The following FAM47E variants were observed in gnomAD, a reference collection of about 807,000 sequenced individuals.
FAM47E encodes protein FAM47E.
A neutral mutation model predicts 41.6 loss-of-function variants in FAM47E; 32 were observed. That is an observed-to-expected ratio of 0.77 (90% CI 0.58 to 1.03). The LOEUF (loss-of-function observed/expected upper bound fraction) is 1.03, where lower values mean the gene tolerates loss of function less well. Among genes scored for constraint, FAM47E ranks in the 50% least tolerant of loss-of-function variants. FAM47E has a pLI of 0.00. For synonymous variants in FAM47E, 184 were observed against 188.7 expected, an observed-to-expected ratio of 0.98 and a Z score of 0.20; for missense variants, 424 against 485.4, an observed-to-expected ratio of 0.87 and a Z score of 1.19.
intron 1 of FAM47E, among the ~76,000 whole-genome samples, chr4:76,255,087 A>T (rs1002526443): frequency 5.3e-5 from 8 of 152,146 alleles, no homozygotes; most frequent in African/African-American, 1.9e-4. Flanking sequence ...CTTTTCACAG[A>T]TCTTGAAAAA....
chr4:76,278,478 A>G, intron 6 of FAM47E: 1 of 422,650 alleles, frequency 2.4e-6, no homozygotes, highest in Non-Finnish European at 4.1e-6. Flanking sequence ...CTATTCCACC[A>G]TTCTTGGAAC....
chr4:76,227,957 C>A (rs960382509), intron 2 of FAM47E, among the ~76,000 whole-genome samples: 3 of 152,120 alleles, frequency 2.0e-5, no homozygotes, highest in African/African-American at 7.2e-5. Flanking sequence ...ACAGCAGATA[C>A]CTGGTTACTT....
intron 2 of FAM47E, among the ~76,000 whole-genome samples, chr4:76,228,148 G>T (rs567528992): frequency 1.3e-5 from 2 of 151,802 alleles, no homozygotes; most frequent in Non-Finnish European, 2.9e-5. Flanking sequence ...CTCTAAGGAG[G>T]TTCTATTTTT....
chr4:76,230,866 G>A (rs757269864), intron 2 of FAM47E, among the ~76,000 whole-genome samples: 2 of 152,126 alleles, frequency 1.3e-5, no homozygotes, highest in Admixed American at 6.5e-5. Context: ...GGACACTAAC[G>A]TGGCCTTTAT....
At chr4:76,241,760 T>C (rs150491857) in intron 2 of FAM47E, among the ~76,000 whole-genome samples, 131 of 152,338 alleles carry the variant, frequency 8.6e-4, no homozygotes, top group African/African-American at 3.0e-3. Context: ...GAATCCTCTC[T>C]CTAGTTTTAA....
At chr4:76,234,942 C>T (rs892993734) in intron 2 of FAM47E, among the ~76,000 whole-genome samples, 7 of 152,022 alleles carry the variant, frequency 4.6e-5, no homozygotes, top group African/African-American at 1.7e-4. Context: ...TTTTCTTTGC[C>T]TGATTTAAAT....
intron 1 of FAM47E, among the ~76,000 whole-genome samples, chr4:76,216,393 C>T (rs1733208392): frequency 6.6e-6 from 1 of 152,198 alleles, no homozygotes; most frequent in Non-Finnish European, 1.5e-5. Context: ...CTTCCACCCC[C>T]TACTCTCTGA....
chr4:76,251,606 A>G, upstream of FAM47E: 1 of 1,343,398 alleles, frequency 7.4e-7, no homozygotes, highest in Non-Finnish European at 9.5e-7. Flanking sequence ...AAGGGGTTGG[A>G]CCGCGCAGCG....
At chr4:76,215,868 T>C (rs1217115473) in intron 1 of FAM47E, among the ~76,000 whole-genome samples, 1 of 152,206 alleles carries the variant, frequency 6.6e-6, no homozygotes, top group Admixed American at 6.5e-5. Flanking sequence ...TGGTCCCTGC[T>C]GAGCCCTGCT....
At chr4:76,251,695 A>G (rs1002712259), upstream of FAM47E, 11 of 1,410,972 alleles carry the variant, frequency 7.8e-6, no homozygotes, top group East Asian at 3.0e-5. Context: ...GGGCGGCAGC[A>G]GGGCACACAC....
At position 76,263,842 on chromosome 4, in the gene FAM47E, C is replaced by G; in HGVS notation, c.559C>G (p.Pro187Ala). ...KKHSTQVYLGPSKKTSVSNAG... is the reference protein window; with the variant it reads ...KKHSTQVYLGASKKTSVSNAG... ...ACATTCTACCCAAGTCTACCTGGGA[C>G]CGTGAGTATTGTTCTTAACCCTTCG... The change falls in exon 3 of 8, where the codon CCT becomes GCT. Residue 187 changes from proline to alanine, a missense_variant and splice_region_variant. Transcript: ENST00000424749. The G allele has an allele frequency of 6.4e-7, 1 of 1,551,138 alleles. No homozygotes were observed. Among genetic ancestry groups the G allele is most frequent in the Non-Finnish European group, 8.7e-7 (1 of 1,146,626 alleles).
At chr4:76,225,002 C>A (rs1436991056) in intron 2 of FAM47E, among the ~76,000 whole-genome samples, 1 of 151,976 alleles carries the variant, frequency 6.6e-6, no homozygotes, top group African/African-American at 2.4e-5. Context: ...TATATGCATC[C>A]TCATAGCTTA....
intron 2 of FAM47E, among the ~76,000 whole-genome samples, chr4:76,230,051 G>A (rs1435447760): frequency 2.0e-5 from 3 of 152,182 alleles, no homozygotes; most frequent in African/African-American, 7.2e-5. Context: ...GCCAGGATAT[G>A]TATTTGGGTT....
At chr4:76,269,779 T>A (rs1876541) in intron 4 of FAM47E, among the ~76,000 whole-genome samples, 8 of 142,340 alleles carry the variant, frequency 5.6e-5, no homozygotes, top group Non-Finnish European at 1.1e-4. Context: ...CAAAGCAAGA[T>A]CCTGTCTCAA....
chr4:76,263,219 A>G (rs761681842), intron 2 of FAM47E, among the ~76,000 whole-genome samples: 2 of 152,212 alleles, frequency 1.3e-5, no homozygotes, highest in Non-Finnish European at 2.9e-5. Context: ...CTTCATGAAT[A>G]TGGTTTCCCT....
chr4:76,218,824 T>C (rs1421658697), intron 2 of FAM47E, among the ~76,000 whole-genome samples: 4 of 152,146 alleles, frequency 2.6e-5, no homozygotes, highest in Non-Finnish European at 1.5e-5. Context: ...GAGAAAAATA[T>C]AGTGGGCAAA....
At chr4:76,282,982 A>C (rs1342154313) in intron 7 of FAM47E, 7 of 160,116 alleles carry the variant, frequency 4.4e-5, no homozygotes, top group African/African-American at 1.7e-4. Context: ...GTACATTCAC[A>C]TATGTTATGT....
upstream of FAM47E, among the ~76,000 whole-genome samples, chr4:76,248,970 G>A (rs536256658): frequency 7.2e-5 from 11 of 152,240 alleles, no homozygotes; most frequent in East Asian, 1.9e-3. Flanking sequence ...ATATAAAATA[G>A]TATTTTCAAA....
Position 76,278,191 on chromosome 4 carries a change from AGAG to A in FAM47E, c.997_999del (p.Glu333del), listed in dbSNP as rs1560753643. 1.3e-6 allele frequency: 2 copies of A among 1,543,586 alleles called. No individual in the cohort carries two copies. The highest frequency in any genetic ancestry group is 8.7e-7 in the Non-Finnish European group (1 of 1,145,144). On this transcript the variant is annotated inframe_deletion, in exon 6 of 8. Transcript: ENST00000424749. Reference sequence around the variant, plus strand: ...ACCCTGAGGTCTCACATAAGGCTCAAGAGGAGAATTTTAAAAAGGAGCTGCAGG... The same window carrying A: ...ACCCTGAGGTCTCACATAAGGCTCAAGAGAATTTTAAAAAGGAGCTGCAGG...
Sources: gnomAD v4.1 joint callset for allele counts (sites outside exome capture counted in the v4.1 genomes callset) on GRCh38, gnomAD v4.1.1 for gene constraint, MANE v1.5 for transcripts, NCBI Gene and HGNC (gene_info 2026-07-23, HGNC 2026-07-21) for gene names.